The following ANKRD31 variants were observed in gnomAD, a reference collection of about 807,000 sequenced individuals.
ANKRD31 encodes the protein ankyrin repeat domain 31, also known as ankyrin repeat domain-containing protein 31.
In ANKRD31, 147 loss-of-function variants were observed where a neutral mutation model predicts 186.0. That is an observed-to-expected ratio of 0.79 (90% CI 0.69 to 0.91). The LOEUF is 0.91. Among genes scored for constraint, ANKRD31 ranks in the 40% least tolerant of loss-of-function variants. The probability of loss-of-function intolerance (pLI) is 0.00; values close to 1 mark genes in which losing one functional copy is unlikely to be tolerated. For synonymous variants in ANKRD31, 673 were observed against 736.4 expected, an observed-to-expected ratio of 0.91 and a Z score of 1.39; for missense variants, 1,986 against 2,148.8, an observed-to-expected ratio of 0.92 and a Z score of 1.50.
At chr5:75,088,292 G>A (rs904084587) in intron 23 of ANKRD31, among the ~76,000 whole-genome samples, 2 of 152,178 alleles carry the variant, frequency 1.3e-5, no homozygotes, top group African/African-American at 4.8e-5. Context: ...CCAAAGGAAT[G>A]GAAAGGGTGG....
chr5:75,097,096 T>C lies in ANKRD31; in HGVS notation c.5332-5695A>G, dbSNP rs182800169. On this transcript the variant is annotated intron_variant, in intron 22 of 25. Transcript: ENST00000506364. ...TGGGTTAGTTCCAAGTCTTTGCTAT[T>C]GTGAATAGTGCCACAATAAACATAC... Among the ~76,000 whole-genome samples the C allele has an allele frequency of 1.0e-3, 157 of 152,332 alleles. 1 individual carries two copies. The highest frequency in any genetic ancestry group is 3.5e-3 in the African/African-American group (144 of 41,574).
chr5:75,115,889 C>A (rs2150078163), intron 19 of ANKRD31, among the ~76,000 whole-genome samples: 3 of 152,120 alleles, frequency 2.0e-5, no homozygotes, highest in Middle Eastern at 6.8e-3. Flanking sequence ...TACCATTTGA[C>A]CCAGCAATCC....
intron 17 of ANKRD31, among the ~76,000 whole-genome samples, 156 bp from the exon 18 acceptor site, chr5:75,118,453 G>A (rs1055425793): frequency 4.6e-5 from 7 of 152,244 alleles, no homozygotes; most frequent in Non-Finnish European, 1.0e-4. Flanking sequence ...TGTGGCAATT[G>A]CAAACTAATC....
At chr5:75,154,108 G>C in intron 12 of ANKRD31, 93 bp downstream of exon 12, 4 of 1,226,328 alleles carry the variant, frequency 3.3e-6, no homozygotes, top group Non-Finnish European at 4.2e-6. Flanking sequence ...CAACACTCAT[G>C]AGAAAAATAA....
chr5:75,184,679 C>A (rs1754577842), intron 10 of ANKRD31, among the ~76,000 whole-genome samples: 1 of 152,064 alleles, frequency 6.6e-6, no homozygotes, highest in Non-Finnish European at 1.5e-5. Flanking sequence ...TCACCTCATT[C>A]CACTCAGAAT....
chr5:75,070,688 A>G (rs1412658396), intron 25 of ANKRD31, among the ~76,000 whole-genome samples: 2 of 152,218 alleles, frequency 1.3e-5, no homozygotes, highest in African/African-American at 4.8e-5. Flanking sequence ...GATGGTAGAA[A>G]AATTTGTCTA....
At chr5:75,157,563 G>C (rs1752270392) in intron 11 of ANKRD31, among the ~76,000 whole-genome samples, 1 of 152,196 alleles carries the variant, frequency 6.6e-6, no homozygotes, top group Non-Finnish European at 1.5e-5. Flanking sequence ...GAAGGCCAAG[G>C]GCATAGCTGG....
chr5:75,077,653 C>T (rs571979345), intron 25 of ANKRD31, among the ~76,000 whole-genome samples: 20 of 151,958 alleles, frequency 1.3e-4, no homozygotes, highest in Non-Finnish European at 2.4e-4. Context: ...TGGCCGGGCG[C>T]GGTGGCTCAT....
intron 21 of ANKRD31, 65 bp from the exon 22 acceptor site, chr5:75,105,283 T>C (rs1167148893): frequency 7.2e-7 from 1 of 1,397,652 alleles, no homozygotes; most frequent in Non-Finnish European, 9.3e-7. Context: ...AGCGGTCACT[T>C]AGAGGTTAAA....
At chr5:75,081,748 G>A (rs1370574035) in intron 24 of ANKRD31, among the ~76,000 whole-genome samples, 3 of 151,114 alleles carry the variant, frequency 2.0e-5, no homozygotes, top group South Asian at 2.1e-4. Flanking sequence ...AAGGGATGGA[G>A]CAACGGGGGC....
intron 17 of ANKRD31, among the ~76,000 whole-genome samples, chr5:75,132,641 A>G (rs1411232926): frequency 6.6e-6 from 1 of 152,202 alleles, no homozygotes; most frequent in African/African-American, 2.4e-5. Flanking sequence ...GCAGGCCAAC[A>G]TTCAAATTCA....
chr5:75,184,321 T>A (rs1388164095), intron 10 of ANKRD31, among the ~76,000 whole-genome samples: 5 of 152,062 alleles, frequency 3.3e-5, no homozygotes, highest in Admixed American at 1.3e-4. Context: ...GAAAAATGCT[T>A]CATGACACTA....
At position 75,138,014 on chromosome 5, in the gene ANKRD31, GAA is replaced by G; in HGVS notation, c.3734-18_3734-17del. 1.6e-6 allele frequency: 2 copies of G among 1,262,616 alleles called. No individual in the cohort carries two copies. The highest frequency in any genetic ancestry group is 3.3e-5 in the Admixed American group (1 of 30,380). The allele number at this position is 1,262,616 out of a possible 1,614,324, so 78.2% of individuals were successfully genotyped here. ...GGTGTCCAACCTAAAAAAAGAAAAA[GAA>G]AAAAAAAAACCCTGCTTCATGCGAA... On this transcript the variant is annotated splice_polypyrimidine_tract_variant and intron_variant, in intron 16 of 25. Transcript: ENST00000506364.
chr5:75,154,369 G>A (rs1752025621), intron 11 of ANKRD31, 24 bp from the exon 12 acceptor site: 9 of 1,519,178 alleles, frequency 5.9e-6, no homozygotes, highest in South Asian at 3.7e-5. Context: ...ATTTATGTAA[G>A]GGAACCCAGA....
chr5:75,145,700 C>A (rs553455684), intron 14 of ANKRD31, among the ~76,000 whole-genome samples: 1 of 151,992 alleles, frequency 6.6e-6, no homozygotes, highest in East Asian at 1.9e-4. Context: ...TCTGCACGTT[C>A]TACACATGTA....
chr5:75,138,222 C>A lies in ANKRD31; in HGVS notation c.3734-224G>T, dbSNP rs141501360. Among the ~76,000 whole-genome samples the A allele has an allele frequency of 2.0e-4, 30 of 152,118 alleles. No homozygotes were observed. In the East Asian group the frequency reaches 5.4e-3, roughly 27 times the overall value. ...TCACAAATATTTGTTGATATAAGTGCCAAAGCAAAAGACTCACAGAATGCA... is the reference window on the plus strand; with the variant it reads ...TCACAAATATTTGTTGATATAAGTGACAAAGCAAAAGACTCACAGAATGCA... On this transcript the variant is annotated intron_variant, in intron 16 of 25. Coordinates refer to ENST00000506364, the MANE Select transcript of ANKRD31 (RefSeq NM_001372053.1).
At chr5:75,151,350 A>C (rs1561481090) in intron 12 of ANKRD31, among the ~76,000 whole-genome samples, 1 of 151,992 alleles carries the variant, frequency 6.6e-6, no homozygotes, top group East Asian at 1.9e-4. Flanking sequence ...CTTATCTTGA[A>C]TTGTATCTCC....
chr5:75,148,171 C>T (rs1489095925), intron 13 of ANKRD31, among the ~76,000 whole-genome samples: 3 of 151,748 alleles, frequency 2.0e-5, no homozygotes, highest in Non-Finnish European at 2.9e-5. Context: ...TTATTATGGG[C>T]TGCTAAGATT....
intron 22 of ANKRD31, among the ~76,000 whole-genome samples, chr5:75,101,023 G>A (rs1043633467): frequency 2.6e-5 from 4 of 152,104 alleles, no homozygotes; most frequent in Non-Finnish European, 4.4e-5. Context: ...TAGCATCGAC[G>A]GTCTTTACAG....
Sources: gnomAD v4.1 joint callset for allele counts (sites outside exome capture counted in the v4.1 genomes callset) on GRCh38, gnomAD v4.1.1 for gene constraint, MANE v1.5 for transcripts, NCBI Gene and HGNC (gene_info 2026-07-23, HGNC 2026-07-21) for gene names.